CDH22: variants seen among roughly 807,000 people sequenced by gnomAD.
The protein encoded by CDH22 is cadherin 22, also known as cadherin-22.
A neutral mutation model predicts 58.4 loss-of-function variants in CDH22; 30 were observed. The ratio of observed to expected loss-of-function variants is 0.51; its 90% confidence interval spans 0.38 to 0.70. The LOEUF (loss-of-function observed/expected upper bound fraction) is 0.70. Among genes scored for constraint, CDH22 ranks in the 30% least tolerant of loss-of-function variants. The pLI is 0.00. For synonymous variants in CDH22, 513 were observed against 558.2 expected (o/e 0.92, Z 1.14); for missense variants, 1,014 against 1,233.9 (o/e 0.82, Z 2.67).
At position 46,241,220 on chromosome 20, in the gene CDH22, T is replaced by C. The variant is rs779940513; in HGVS notation, c.293A>G (p.Lys98Arg). 8.7e-6 allele frequency: 14 copies of C among 1,612,490 alleles called. No individual in the cohort carries two copies. The highest frequency in any genetic ancestry group is 1.7e-5 in the Admixed American group (1 of 59,934). Reference protein sequence around the residue: ...SDSDEGDGAIKYTISGEGAGT... With the variant: ...SDSDEGDGAIRYTISGEGAGT... Reference sequence around the variant, plus strand: ...AGCACCCTCGCCTGAGATGGTGTACTTGATGGCCCCGTCACCCTCGTCTGA... The same window carrying C: ...AGCACCCTCGCCTGAGATGGTGTACCTGATGGCCCCGTCACCCTCGTCTGA... Residue 98 changes from lysine to arginine, a missense_variant, in exon 3 of 12, where the codon AAG (lysine) becomes AGG (arginine). Physicochemically the swap from Lys to Arg is conservative, Grantham distance 26. This residue lies in a region of CDH22 where 806 missense variants were observed against 1,038.7 expected (regional missense o/e 0.78). Transcript: ENST00000537909. This position sits in a 1 kb window ranked among gnomAD's most constrained non-coding sequence, Gnocchi z 5.2.
chr20:46,261,015 A>G (rs1406987862), intron 1 of CDH22, among the ~76,000 whole-genome samples: 1 of 152,180 alleles, frequency 6.6e-6, no homozygotes, highest in Non-Finnish European at 1.5e-5. Flanking sequence ...TCCTTTTAAC[A>G]TTCAGGGGAC....
At chr20:46,261,295 T>C (rs1244337654) in intron 1 of CDH22, among the ~76,000 whole-genome samples, 1 of 152,210 alleles carries the variant, frequency 6.6e-6, no homozygotes, top group Non-Finnish European at 1.5e-5. Flanking sequence ...CCTGGACAAA[T>C]ACTACTGGAC....
intron 1 of CDH22, among the ~76,000 whole-genome samples, chr20:46,274,293 G>T (rs2086506680): frequency 6.6e-6 from 1 of 151,954 alleles, no homozygotes; most frequent in African/African-American, 2.4e-5. Flanking sequence ...GGGAAGGCTG[G>T]GTTTGCAGCC....
At chr20:46,278,095 G>A (rs1268745710) in intron 1 of CDH22, among the ~76,000 whole-genome samples, 2 of 151,880 alleles carry the variant, frequency 1.3e-5, no homozygotes, top group South Asian at 2.1e-4. Context: ...GAGGAGGAGC[G>A]AAAGGGTGAT....
intron 3 of CDH22, among the ~76,000 whole-genome samples, chr20:46,232,862 C>G (rs2086229145): frequency 6.6e-6 from 1 of 152,158 alleles, no homozygotes; most frequent in South Asian, 2.1e-4. Context: ...CAGCCTAATG[C>G]AGATGAATGG....
chr20:46,249,547 A>G (rs111961181), intron 2 of CDH22, among the ~76,000 whole-genome samples: 19 of 152,262 alleles, frequency 1.2e-4, no homozygotes, highest in African/African-American at 4.6e-4. Context: ...AGGCAAACCC[A>G]AAGGTTTACA....
chr20:46,215,209 C>A (rs2086075754), intron 5 of CDH22, among the ~76,000 whole-genome samples: 1 of 152,142 alleles, frequency 6.6e-6, no homozygotes, highest in South Asian at 2.1e-4. Flanking sequence ...AGACCTGGGG[C>A]AATAAGGTTC....
rs144312325 is a variant in CDH22, at chr20:46,261,096, C to T, written c.-399-9403G>A. Reference sequence around the variant, plus strand: ...TCCATTATTTTACTGTATGTATGACCTTGGTAATTTGCTTCCTTTCTCTGA... The same window carrying T: ...TCCATTATTTTACTGTATGTATGACTTTGGTAATTTGCTTCCTTTCTCTGA... On this transcript the variant is annotated intron_variant, in intron 1 of 11. Coordinates refer to ENST00000537909, the MANE Select transcript of CDH22 (RefSeq NM_021248.3). Among the ~76,000 whole-genome samples, 654 of 152,230 alleles carry T rather than the reference C, an allele frequency of 4.3e-3. 2 individuals are homozygous for T. The highest frequency in any genetic ancestry group is 7.9e-3 in the Non-Finnish European group (539 of 68,014).
chr20:46,222,023 T>A (rs186789327), intron 4 of CDH22, among the ~76,000 whole-genome samples: 1 of 152,280 alleles, frequency 6.6e-6, no homozygotes, highest in Non-Finnish European at 1.5e-5. Context: ...CTTTCCACCA[T>A]TTACATGCTA....
intron 10 of CDH22, among the ~76,000 whole-genome samples, chr20:46,180,309 A>G (rs1256272069): frequency 6.6e-6 from 1 of 152,200 alleles, no homozygotes; most frequent in Admixed American, 6.5e-5. Flanking sequence ...CACCTCAGCC[A>G]AACAGAAGCA....
Position 46,230,256 on chromosome 20 carries a change from A to G in CDH22, c.551-2629T>C, listed in dbSNP as rs548316929. ...GTCCATTCTCTCCTGCAGACTTCAC[A>G]CCAGCTCTGTGATATAGACGCAGTG... On this transcript the variant is annotated intron_variant, in intron 3 of 11. Transcript: ENST00000537909. Among the ~76,000 whole-genome samples the G allele has an allele frequency of 5.9e-5, 9 of 152,280 alleles. 2 individuals are homozygous for G. In the South Asian group the frequency reaches 1.5e-3, roughly 25 times the overall value.
At chr20:46,186,380 G>A (rs150158261) in intron 10 of CDH22, among the ~76,000 whole-genome samples, 50 of 151,516 alleles carry the variant, frequency 3.3e-4, no homozygotes, top group African/African-American at 1.1e-3. Flanking sequence ...TCTTATCCTT[G>A]GGACGCCCTC....
intron 1 of CDH22, among the ~76,000 whole-genome samples, chr20:46,280,517 G>A (rs561954694): frequency 6.6e-6 from 1 of 152,152 alleles, no homozygotes; most frequent in South Asian, 2.1e-4. Context: ...CACCTTCTCA[G>A]GGGGGCTGGC....
At chr20:46,223,304 A>G (rs2086139599) in intron 4 of CDH22, among the ~76,000 whole-genome samples, 5 of 152,008 alleles carry the variant, frequency 3.3e-5, no homozygotes, top group Admixed American at 2.0e-4. Context: ...CTGATCCTTC[A>G]TCTGCCCAGC....
chr20:46,283,204 C>T (rs1011379926), intron 1 of CDH22, among the ~76,000 whole-genome samples: 13 of 152,158 alleles, frequency 8.5e-5, no homozygotes, highest in Admixed American at 7.2e-4. Context: ...GGTGCAAGCT[C>T]GAGTTGGGGT....
intron 1 of CDH22, among the ~76,000 whole-genome samples, chr20:46,295,393 C>T (rs944209140): frequency 6.6e-6 from 1 of 152,184 alleles, no homozygotes; most frequent in Non-Finnish European, 1.5e-5. Flanking sequence ...CCTGTGTTCC[C>T]GAATCCCTCA....
chr20:46,286,306 G>A (rs2086576548), intron 1 of CDH22, among the ~76,000 whole-genome samples: 1 of 152,108 alleles, frequency 6.6e-6, no homozygotes, highest in Admixed American at 6.5e-5. Flanking sequence ...CTCTGATGCT[G>A]GGCAGGGAGT....
Position 46,213,105 on chromosome 20 carries a change from C to G in CDH22, c.922G>C (p.Glu308Gln). The G allele has an allele frequency of 1.2e-6, 2 of 1,614,208 alleles. No homozygotes were observed. The highest frequency in any genetic ancestry group is 1.7e-6 in the Non-Finnish European group (2 of 1,180,016). ...AGGTGGTAAGTCATGTCTGTGTTCT[C>G]TCCCACGTCTGAGTCCTCAGCCTTC... ...RVKAEDSDVGENTDMTYHLKD... is the reference protein window; with the variant it reads ...RVKAEDSDVGQNTDMTYHLKD... The change falls in exon 6 of 12, where the codon GAG becomes CAG. Residue 308 changes from glutamate (E) to glutamine (Q), a missense_variant. Coordinates refer to ENST00000537909, the MANE Select transcript of CDH22 (RefSeq NM_021248.3).
At chr20:46,266,004 C>T (rs893556956) in intron 1 of CDH22, among the ~76,000 whole-genome samples, 1 of 151,762 alleles carries the variant, frequency 6.6e-6, no homozygotes, top group African/African-American at 2.4e-5. Flanking sequence ...TACTGAACTA[C>T]TGGGGGCCCA....
Sources: allele counts gnomAD v4.1 joint callset (sites outside exome capture counted in the v4.1 genomes callset), GRCh38; gene constraint gnomAD v4.1.1; regional missense constraint gnomAD v4.1.1; non-coding constraint Gnocchi (gnomAD v3.1); transcripts MANE v1.5; gene names NCBI Gene and HGNC (gene_info 2026-07-23, HGNC 2026-07-21).